SHLD1: variants seen among roughly 807,000 people sequenced by gnomAD.
SHLD1 encodes shieldin complex subunit 1.
Under a neutral mutation model 5.5 loss-of-function variants are expected in SHLD1, and 3 were observed. The ratio of observed to expected loss-of-function variants is 0.54; its 90% CI spans 0.25 to 1.40. The LOEUF (loss-of-function observed/expected upper bound fraction) is 1.40, where lower values mean the gene tolerates loss of function less well. SHLD1 is among the 40% of genes most tolerant of loss of function. SHLD1 has a pLI of 0.15. For synonymous variants in SHLD1, 92 were observed against 94.3 expected (o/e 0.98, Z 0.14); for missense variants, 210 against 244.4 (o/e 0.86, Z 0.94).
intron 2 of SHLD1, chr20:5,773,479 A>T (rs1568495378): frequency 3.5e-6 from 1 of 282,588 alleles, no homozygotes; most frequent in East Asian, 6.8e-5. Context: ...GGATTTAAGT[A>T]ACAACCTTTC....
At chr20:5,775,660 G>C (rs975353800) in intron 2 of SHLD1, among the ~76,000 whole-genome samples, 1 of 152,170 alleles carries the variant, frequency 6.6e-6, no homozygotes, top group Admixed American at 6.5e-5. Context: ...AGTGGTGGTC[G>C]TGCTGGATTA....
chr20:5,827,208 G>C (rs954458778), intron 2 of SHLD1, among the ~76,000 whole-genome samples: 1 of 152,216 alleles, frequency 6.6e-6, no homozygotes, highest in African/African-American at 2.4e-5. Flanking sequence ...GCTGTGTGGA[G>C]GGGCTGTCTT....
chr20:5,772,135 C>G, intron 1 of SHLD1: 1 of 448,114 alleles, frequency 2.2e-6, no homozygotes, highest in Non-Finnish European at 4.5e-6. Flanking sequence ...CTCAGCCTCC[C>G]AAAGTGCTGG....
At chr20:5,786,046 G>A (rs759523440) in intron 2 of SHLD1, among the ~76,000 whole-genome samples, 30 of 152,050 alleles carry the variant, frequency 2.0e-4, no homozygotes, top group Non-Finnish European at 3.8e-4. Flanking sequence ...GGCTCAGAAA[G>A]CAGTACCCCA....
intron 2 of SHLD1, among the ~76,000 whole-genome samples, chr20:5,832,816 TAAATAAATAAA>T (rs2087745008): frequency 2.9e-5 from 4 of 137,560 alleles, no homozygotes; most frequent in African/African-American, 1.4e-4. Flanking sequence ...AATAAATAAA[TAAATAAATAAA>T]TAAATAAATA....
intron 2 of SHLD1, among the ~76,000 whole-genome samples, chr20:5,815,330 G>A (rs1209349114): frequency 2.0e-5 from 3 of 152,160 alleles, no homozygotes; most frequent in African/African-American, 2.4e-5. Context: ...ATGCAGCCAC[G>A]CTGAAAAACC....
chr20:5,861,484 A>C (rs1632492), intron 2 of SHLD1, among the ~76,000 whole-genome samples: 2 of 152,138 alleles, frequency 1.3e-5, no homozygotes, highest in African/African-American at 4.8e-5. Context: ...TCTATAAATA[A>C]GTGTTGAATG....
chr20:5,784,741 C>T (rs1039138952), intron 2 of SHLD1, among the ~76,000 whole-genome samples: 12 of 152,192 alleles, frequency 7.9e-5, no homozygotes, highest in Non-Finnish European at 1.6e-4. Context: ...TGAGCCACCG[C>T]GCCCGGCCCA....
Position 5,855,825 on chromosome 20 carries a change from C to T in SHLD1, c.179-7199C>T, listed in dbSNP as rs1484381927. Among the ~76,000 whole-genome samples, 1 of 152,196 alleles carries T rather than the reference C, an allele frequency of 6.6e-6. No individual in the cohort carries two copies. The highest frequency in any genetic ancestry group is 2.1e-4 in the South Asian group (1 of 4,828). On this transcript the variant is annotated intron_variant, in intron 2 of 2. Coordinates refer to ENST00000303142, the MANE Select transcript of SHLD1 (RefSeq NM_152504.4). This position sits in a 1 kb window ranked among gnomAD's most constrained non-coding sequence, Gnocchi z 4.4. ...TGTTCACCAATATTCTCTGCCTCTC[C>T]CTACAGGATATTCTTTCATCCTCAT...
At chr20:5,764,758 T>G (rs1429776290) in intron 1 of SHLD1, among the ~76,000 whole-genome samples, 2 of 152,146 alleles carry the variant, frequency 1.3e-5, no homozygotes, top group African/African-American at 4.8e-5. Context: ...GAAAGTTGGA[T>G]AGATGGATCG....
At chr20:5,770,046 G>A (rs1244730784) in intron 1 of SHLD1, among the ~76,000 whole-genome samples, 1 of 150,280 alleles carries the variant, frequency 6.7e-6, no homozygotes, top group African/African-American at 2.4e-5. Context: ...TATGTGATGA[G>A]ATGAAGAGAG....
At chr20:5,773,973 G>A (rs1245459079) in intron 2 of SHLD1, among the ~76,000 whole-genome samples, 2 of 152,144 alleles carry the variant, frequency 1.3e-5, no homozygotes, top group Non-Finnish European at 2.9e-5. Context: ...GGAGGCCGAG[G>A]CGGGTGGATC....
At chr20:5,851,319 C>A (rs1331456999) in intron 2 of SHLD1, among the ~76,000 whole-genome samples, 1 of 152,040 alleles carries the variant, frequency 6.6e-6, no homozygotes, top group East Asian at 1.9e-4. Context: ...GACCCCATCT[C>A]TACAAAAAAT....
At chr20:5,816,089 G>GAAAAAAAAAAA (rs141881349) in intron 2 of SHLD1, among the ~76,000 whole-genome samples, 466 of 84,126 alleles carry the variant, frequency 5.5e-3, no homozygotes, top group Non-Finnish European at 7.6e-3. Context: ...TCAAAAAAAC[G>GAAAAAAAAAAA]AAAAAAAAAA....
chr20:5,824,152 G>A (rs1358906402), intron 2 of SHLD1, among the ~76,000 whole-genome samples: 1 of 152,172 alleles, frequency 6.6e-6, no homozygotes, highest in African/African-American at 2.4e-5. Context: ...CCTCTTCCCA[G>A]CCGCACTGGC....
intron 2 of SHLD1, among the ~76,000 whole-genome samples, chr20:5,822,855 G>A (rs543920673): frequency 4.0e-5 from 6 of 151,172 alleles, no homozygotes; most frequent in Non-Finnish European, 5.9e-5. Context: ...TCCTCTTTAG[G>A]TCCTGCCCTG....
At chr20:5,752,538 G>A (rs1327360710) in intron 1 of SHLD1, among the ~76,000 whole-genome samples, 1 of 151,782 alleles carries the variant, frequency 6.6e-6, no homozygotes. Context: ...CTCTACAGAT[G>A]CAAATTTCTG....
intron 2 of SHLD1, among the ~76,000 whole-genome samples, chr20:5,858,641 C>T (rs1228116048): frequency 6.6e-6 from 1 of 152,194 alleles, no homozygotes; most frequent in Non-Finnish European, 1.5e-5. Context: ...CGAGACCAGC[C>T]TGGCCAACAT....
intron 1 of SHLD1, among the ~76,000 whole-genome samples, chr20:5,769,264 A>G (rs983091391): frequency 2.6e-5 from 4 of 152,172 alleles, no homozygotes; most frequent in African/African-American, 4.8e-5. Context: ...TCATTGAGAG[A>G]GTGCTCTCTG....
Sources: gnomAD v4.1 joint callset for allele counts (sites outside exome capture counted in the v4.1 genomes callset) on GRCh38, gnomAD v4.1.1 for gene constraint, Gnocchi (gnomAD v3.1) non-coding constraint, MANE v1.5 for transcripts, NCBI Gene and HGNC (gene_info 2026-07-23, HGNC 2026-07-21) for gene names.